TOR1A: variants seen among roughly 807,000 people sequenced by gnomAD.
TOR1A encodes torsin family 1 member A, also known as torsin-1A.
A neutral mutation model predicts 31.4 loss-of-function variants in TOR1A; 18 were observed. That is an observed-to-expected ratio of 0.57 (90% CI 0.40 to 0.85). TOR1A has a LOEUF of 0.85. Among genes scored for constraint, TOR1A ranks in the 40% least tolerant of loss-of-function variants. TOR1A has a pLI of 0.00. For missense variants in TOR1A, 375 were observed against 416.4 expected (o/e 0.90, Z 0.87); for synonymous variants, 168 against 165.9 (o/e 1.01, Z -0.10).
intron 4 of TOR1A, among the ~76,000 whole-genome samples, 155 bp from the exon 5 acceptor site, chr9:129,814,377 CCA>C (rs1381124424): frequency 3.9e-5 from 5 of 128,732 alleles, no homozygotes; most frequent in African/African-American, 1.4e-4. Flanking sequence ...GGTCACCCAC[CCA>C]CCCCCCCCAC....
intron 2 of TOR1A, among the ~76,000 whole-genome samples, chr9:129,819,420 G>A (rs1473290572): frequency 6.6e-6 from 1 of 152,066 alleles, no homozygotes; most frequent in Non-Finnish European, 1.5e-5. Context: ...AGGGGTTTGA[G>A]ACCAGCCTGG....
chr9:129,818,625 T>C lies in TOR1A; in HGVS notation c.643A>G (p.Thr215Ala), dbSNP rs2031101633. The change falls in exon 4 of 5, where the codon ACA becomes GCA. Residue 215 changes from threonine to alanine, a missense_variant. Coordinates refer to ENST00000351698, the MANE Select transcript of TOR1A (RefSeq NM_000113.3). ...CTCCAGAAATCCAAAGCCACATCTG[T>C]GATCCTTTCTGCTCCAGCATTGCTG... ...FLSNAGAERI[T>A]DVALDFWRSG... 1 of 1,614,226 alleles carries C rather than the reference T, an allele frequency of 6.2e-7. No homozygotes were observed. The highest frequency in any genetic ancestry group is 8.5e-7 in the Non-Finnish European group (1 of 1,180,036).
chr9:129,818,227 CG>C (rs1408328691), intron 4 of TOR1A: 3 of 430,784 alleles, frequency 7.0e-6, no homozygotes, highest in African/African-American at 6.1e-5. Flanking sequence ...CGCTTGAGCC[CG>C]GGAGGCAGAG....
At chr9:129,822,541 C>T (rs1264994301) in intron 2 of TOR1A, 40 bp downstream of exon 2, 95 of 1,613,112 alleles carry the variant, frequency 5.9e-5, no homozygotes, top group Non-Finnish European at 7.9e-5. Flanking sequence ...ACCCCAAACC[C>T]GATGACATCC....
chr9:129,822,540 C>A (rs777530544), intron 2 of TOR1A, 41 bp downstream of exon 2: 12 of 1,613,164 alleles, frequency 7.4e-6, no homozygotes, highest in Non-Finnish European at 1.0e-5. Flanking sequence ...GACCCCAAAC[C>A]CGATGACATC....
rs138072216 is a variant in TOR1A, at chr9:129,818,392, G to C, written c.748+128C>G. On this transcript the variant is annotated intron_variant, in intron 4 of 4. Transcript: ENST00000351698. The stretch of plus-strand genomic sequence containing the variant: ...CAAAGATTCCCCTCATGACTCGGAA[G>C]GGGACTGAGAATCTGCATTTCTTTC... 677 of 1,430,494 alleles carry C rather than the reference G, an allele frequency of 4.7e-4. 7 individuals carry two copies. The East Asian group carries it at 0.014, about 29-fold the overall frequency. The allele number at this position is 1,430,494 out of a possible 1,614,324, so 88.6% of individuals were successfully genotyped here.
Position 129,822,766 on chromosome 9 carries a change from T to C in TOR1A, c.259A>G (p.Ile87Val), listed in dbSNP as rs1287190804. Residue 87 changes from isoleucine to valine, a missense_variant, in exon 2 of 5, where the codon ATA (isoleucine) becomes GTA (valine). By Grantham distance (29) the Ile-to-Val change is conservative. Coordinates refer to ENST00000351698, the MANE Select transcript of TOR1A (RefSeq NM_000113.3). Reference sequence around the variant, plus strand: ...GGTTTCTTGGGCTTTGGGTTGTTTATGAAACCAAACACGGCATTTAAGATG... The same window carrying C: ...GGTTTCTTGGGCTTTGGGTTGTTTACGAAACCAAACACGGCATTTAAGATG... The part of the protein sequence containing the change: ...KIILNAVFGF[I>V]NNPKPKKPLT... The C allele has an allele frequency of 1.2e-6, 2 of 1,614,184 alleles. No individual in the cohort carries two copies. The highest frequency in any genetic ancestry group is 1.7e-6 in the Non-Finnish European group (2 of 1,180,020).
chr9:129,820,989 T>C (rs544255204), intron 2 of TOR1A, among the ~76,000 whole-genome samples: 5 of 152,302 alleles, frequency 3.3e-5, no homozygotes, highest in African/African-American at 9.6e-5. Context: ...CATTTTTCCA[T>C]AGATACAGTC....
At chr9:129,817,907 C>T (rs563487421) in intron 4 of TOR1A, among the ~76,000 whole-genome samples, 2 of 145,920 alleles carry the variant, frequency 1.4e-5, no homozygotes. Flanking sequence ...GTTCCACCTA[C>T]ATGGGAAGCT....
Position 129,813,782 on chromosome 9 carries a change from C to T in TOR1A, c.*190G>A. The T allele has an allele frequency of 1.2e-6, 1 of 814,698 alleles. No individual in the cohort carries two copies. Among genetic ancestry groups the T allele is most frequent in the Non-Finnish European group, 2.0e-6 (1 of 503,122 alleles). The allele number at this position is 814,698 out of a possible 1,614,324, so 50.5% of individuals were successfully genotyped here. On this transcript the variant is annotated 3_prime_UTR_variant, in exon 5 of 5. Coordinates refer to ENST00000351698, the MANE Select transcript of TOR1A (RefSeq NM_000113.3). ...TGTTCGGGAGGCTTCACGTCCTCGC[C>T]CGTGGTCCCTGGGTGGCCTGCAGGC...
chr9:129,814,676 C>G (rs965208831), intron 4 of TOR1A, among the ~76,000 whole-genome samples: 1 of 151,202 alleles, frequency 6.6e-6, no homozygotes, highest in South Asian at 2.1e-4. Context: ...CTTAAGAGAT[C>G]GAAGATGGGA....
At chr9:129,818,335 A>T in intron 4 of TOR1A, 185 bp downstream of exon 4, 1 of 822,436 alleles carries the variant, frequency 1.2e-6, no homozygotes, top group Non-Finnish European at 2.0e-6. Flanking sequence ...GTCAAACATT[A>T]GTGTTCATAA....
At chr9:129,820,418 T>C (rs1323819077) in intron 2 of TOR1A, among the ~76,000 whole-genome samples, 2 of 152,108 alleles carry the variant, frequency 1.3e-5, no homozygotes, top group African/African-American at 4.8e-5. Context: ...CCACACCTGG[T>C]CTGTTCATAG....
At chr9:129,819,230 G>A (rs1022113411) in intron 2 of TOR1A, among the ~76,000 whole-genome samples, 3 of 152,136 alleles carry the variant, frequency 2.0e-5, no homozygotes, top group African/African-American at 4.8e-5. Context: ...TACGGTTCCC[G>A]CACTGCGAGA....
Position 129,820,844 on chromosome 9 carries a change from C to T in TOR1A, c.444+1737G>A, listed in dbSNP as rs572787424. 4.6e-5 allele frequency among the ~76,000 whole-genome samples: 7 copies of T among 152,226 alleles called. No homozygotes were observed. The South Asian group carries it at 6.2e-4, about 14-fold the overall frequency. ...GAACTCTTGAGCTCAAGGGATCAGCCGGTTTTGGCTTCCCGTAGTGCTAGA... is the reference window on the plus strand; with the variant it reads ...GAACTCTTGAGCTCAAGGGATCAGCTGGTTTTGGCTTCCCGTAGTGCTAGA... On this transcript the variant is annotated intron_variant, in intron 2 of 4. Transcript: ENST00000351698.
intron 2 of TOR1A, 107 bp from the exon 3 acceptor site, chr9:129,819,027 C>T (rs956499449): frequency 6.9e-6 from 9 of 1,298,708 alleles, no homozygotes; most frequent in Middle Eastern, 4.5e-4. Flanking sequence ...ACTGTGCACT[C>T]GGCACTAAGA....
chr9:129,820,103 C>A lies in TOR1A; in HGVS notation c.445-1183G>T, dbSNP rs139888356. Reference sequence around the variant, plus strand: ...ATGCACTGAGTGTTCACTATGGGAACAACAATATTCTAAGCACTGTTCATA... The same window carrying A: ...ATGCACTGAGTGTTCACTATGGGAAAAACAATATTCTAAGCACTGTTCATA... On this transcript the variant is annotated intron_variant, in intron 2 of 4. Coordinates refer to ENST00000351698, the MANE Select transcript of TOR1A (RefSeq NM_000113.3). Among the ~76,000 whole-genome samples the A allele has an allele frequency of 2.6e-3, 395 of 151,934 alleles. 2 individuals are homozygous for A. Among genetic ancestry groups the A allele is most frequent in the African/African-American group, 9.1e-3 (379 of 41,464 alleles).
chr9:129,813,770 TCA>T lies in TOR1A; in HGVS notation c.*200_*201del. The T allele has an allele frequency of 1.4e-6, 1 of 715,632 alleles. No homozygotes were observed. The highest frequency in any genetic ancestry group is 2.4e-6 in the Non-Finnish European group (1 of 421,638). 44.3% of individuals were successfully genotyped at this position (715,632 alleles called of 1,614,324 possible). ...TCCTTCTGTGCGTGTTCGGGAGGCT[TCA>T]CGTCCTCGCCCGTGGTCCCTGGGTG... On this transcript the variant is annotated 3_prime_UTR_variant, in exon 5 of 5. Transcript: ENST00000351698.
chr9:129,814,200 T>A lies in TOR1A; in HGVS notation c.771A>T (p.Leu257Phe), dbSNP rs760963804. Residue 257 changes from leucine (L) to phenylalanine (F), a missense_variant, in exon 5 of 5, where the codon TTA becomes TTT. Coordinates refer to ENST00000351698, the MANE Select transcript of TOR1A (RefSeq NM_000113.3). ...AATAATCAATGAGGTTCCGGTCAAT[T>A]AAGCTGCTGTGCCAGAAGCCACCTG... ...NKNSGFWHSS[L>F]IDRNLIDYFV... 4 of 1,614,100 alleles carry A rather than the reference T, an allele frequency of 2.5e-6. No individual in the cohort carries two copies. Among genetic ancestry groups the A allele is most frequent in the Non-Finnish European group, 8.5e-7 (1 of 1,180,008 alleles).
Sources: gnomAD v4.1 joint callset for allele counts (sites outside exome capture counted in the v4.1 genomes callset) on GRCh38, gnomAD v4.1.1 for gene constraint, MANE v1.5 for transcripts, NCBI Gene and HGNC (gene_info 2026-07-23, HGNC 2026-07-21) for gene names.